The following WIPF2 variants were observed in gnomAD, a reference collection of about 807,000 sequenced individuals.
The protein encoded by WIPF2 is WAS/WASL interacting protein family member 2.
WIPF2 carries 23 observed loss-of-function variants against 38.8 expected under a neutral mutation model. That is an observed-to-expected ratio of 0.59 (90% CI 0.43 to 0.84). WIPF2 has a LOEUF of 0.84. Among genes scored for constraint, WIPF2 ranks in the 40% least tolerant of loss-of-function variants. The probability of loss-of-function intolerance (pLI) is 0.00; values close to 1 mark genes in which losing one functional copy is unlikely to be tolerated. For missense variants in WIPF2, 574 were observed against 580.5 expected, an observed-to-expected ratio of 0.99 and a Z score of 0.11; for synonymous variants, 210 against 223.2, an observed-to-expected ratio of 0.94 and a Z score of 0.53.
chr17:40,259,018 CAAAAAAAA>C (rs903377557), intron 2 of WIPF2, among the ~76,000 whole-genome samples: 4 of 34,912 alleles, frequency 1.1e-4, no homozygotes, highest in Non-Finnish European at 2.2e-4. Context: ...AACTCTGTCT[CAAAAAAAA>C]AAAAAAAAAA....
intron 5 of WIPF2, among the ~76,000 whole-genome samples, chr17:40,273,132 C>G (rs1372954498): frequency 6.6e-6 from 1 of 152,156 alleles, no homozygotes; most frequent in Non-Finnish European, 1.5e-5. Context: ...CTCCCAGGTT[C>G]AAGTGATTCT....
At chr17:40,231,642 C>G (rs2030743217) in intron 1 of WIPF2, among the ~76,000 whole-genome samples, 1 of 152,016 alleles carries the variant, frequency 6.6e-6, no homozygotes, top group Non-Finnish European at 1.5e-5. Context: ...CCAGGCTGGT[C>G]TTGAACTCCT....
chr17:40,237,740 G>T (rs1446100720), intron 1 of WIPF2, among the ~76,000 whole-genome samples: 1 of 149,306 alleles, frequency 6.7e-6, no homozygotes, highest in Non-Finnish European at 1.5e-5. Flanking sequence ...CGGCCTCCCG[G>T]GTTCGAATGA....
At chr17:40,268,546 TGTG>T (rs926417968) in intron 5 of WIPF2, among the ~76,000 whole-genome samples, 3 of 152,204 alleles carry the variant, frequency 2.0e-5, no homozygotes, top group African/African-American at 7.2e-5. Flanking sequence ...ATTCTTTCTC[TGTG>T]GTAGCTAGGA....
At chr17:40,243,201 G>A (rs575753680) in intron 1 of WIPF2, among the ~76,000 whole-genome samples, 23 of 151,954 alleles carry the variant, frequency 1.5e-4, no homozygotes, top group Non-Finnish European at 2.9e-4. Flanking sequence ...TACATTTTTA[G>A]GGCTTTAAAA....
chr17:40,232,015 C>CT (rs547592426), intron 1 of WIPF2, among the ~76,000 whole-genome samples: 13,427 of 110,254 alleles, frequency 0.12, 897 homozygotes, highest in East Asian at 0.32. Context: ...ATTGATTTTA[C>CT]TTTTTTTTTT....
intron 2 of WIPF2, among the ~76,000 whole-genome samples, chr17:40,260,197 T>C (rs954434629): frequency 6.8e-6 from 1 of 147,982 alleles, no homozygotes; most frequent in Non-Finnish European, 1.5e-5. Flanking sequence ...TTTTTTTTTT[T>C]TTTTTTTGCA....
At position 40,219,438 on chromosome 17, in the gene WIPF2, G is replaced by A. The variant is rs1036221418; in HGVS notation, c.-124G>A. On this transcript the variant is annotated 5_prime_UTR_variant, in exon 1 of 8. Transcript: ENST00000323571. The stretch of plus-strand genomic sequence containing the variant: ...GCTTGCCGGGGGGCGAGCAGGACAG[G>A]ACGAAGCCGGAGTGTAGGCGGCAGA... 1 of 323,464 alleles carries A rather than the reference G, an allele frequency of 3.1e-6. No individual in the cohort carries two copies. The highest frequency in any genetic ancestry group is 2.3e-5 in the African/African-American group (1 of 43,582). The allele number at this position is 323,464 out of a possible 1,614,324, so 20.0% of individuals were successfully genotyped here. A position where few individuals can be genotyped will look rare whatever the true frequency, so the allele number is the denominator to read the frequency against.
At position 40,277,182 on chromosome 17, in the gene WIPF2, G is replaced by A. The variant is rs760440651; in HGVS notation, c.1280G>A (p.Arg427Gln). ...AGGATATATCCCAGCAAAACAAACC[G>A]AGGTGAGAATAATAATAAGAAGGTT... ...FQRIYPSKTNRAARGAPPLPP... is the reference protein window; with the variant it reads ...FQRIYPSKTNQAARGAPPLPP... Residue 427 changes from arginine to glutamine, a missense_variant and splice_region_variant, in exon 7 of 8, where the codon CGA (arginine) becomes CAA (glutamine). Coordinates refer to ENST00000323571, the MANE Select transcript of WIPF2 (RefSeq NM_133264.5). The A allele has an allele frequency of 1.1e-5, 17 of 1,600,908 alleles. No homozygotes were observed. The African/African-American group carries it at 1.2e-4, about 11-fold the overall frequency.
rs1159458977 is a variant in WIPF2 at position 40,260,256 on chromosome 17, C to T, written c.64-279C>T. On this transcript the variant is annotated intron_variant, in intron 2 of 7. Transcript: ENST00000323571. ...AGGCTGCAGTGCAGTGGTGTGATCT[C>T]GGCTCACTGCAACCTCCACCTCCTG... Among the ~76,000 whole-genome samples the T allele has an allele frequency of 1.7e-4, 23 of 138,008 alleles. No individual in the cohort carries two copies. In the Admixed American group the frequency reaches 1.8e-3, roughly 11 times the overall value. 90.5% of individuals were successfully genotyped at this position (138,008 alleles called of 152,430 possible).
intron 1 of WIPF2, among the ~76,000 whole-genome samples, chr17:40,240,152 C>G (rs2031136568): frequency 6.6e-6 from 1 of 151,968 alleles, no homozygotes; most frequent in South Asian, 2.1e-4. Flanking sequence ...ACCTCCACCT[C>G]CCAGGTTCAA....
chr17:40,281,921 A>G lies in WIPF2; in HGVS notation c.*3696A>G, dbSNP rs2032553604. 1 of 152,374 alleles carries G rather than the reference A, an allele frequency of 6.6e-6. No individual in the cohort carries two copies. The highest frequency in any genetic ancestry group is 1.5e-5 in the Non-Finnish European group (1 of 68,032). 9.4% of individuals were successfully genotyped at this position (152,374 alleles called of 1,614,324 possible). ...ATCAACTGCAAATCAAATTCTTCAC[A>G]TTCCAGCTACAGTCTTTCTTTCCCC... On this transcript the variant is annotated 3_prime_UTR_variant, in exon 8 of 8. Transcript: ENST00000323571.
chr17:40,228,023 T>G (rs1451147117), intron 1 of WIPF2, among the ~76,000 whole-genome samples: 1 of 125,746 alleles, frequency 8.0e-6, no homozygotes, highest in Non-Finnish European at 1.7e-5. Context: ...TTTTTTTTTT[T>G]TTTTTTTTTT....
At position 40,280,004 on chromosome 17, in the gene WIPF2, G is replaced by A. The variant is rs185889128; in HGVS notation, c.*1779G>A. ...AGTGCTAGGTGAGGGAGGGCTCAAC[G>A]GGGGTAATGTGTATGGGGTCTGCTG... On this transcript the variant is annotated 3_prime_UTR_variant, in exon 8 of 8. Coordinates refer to ENST00000323571, the MANE Select transcript of WIPF2 (RefSeq NM_133264.5). The A allele has an allele frequency of 4.3e-4, 65 of 152,416 alleles. 1 individual carries two copies. Among genetic ancestry groups the A allele is most frequent in the South Asian group, 4.1e-3 (20 of 4,820 alleles). 9.4% of individuals were successfully genotyped at this position (152,416 alleles called of 1,614,324 possible). A position where few individuals can be genotyped will look rare whatever the true frequency, so the allele number is the denominator to read the frequency against.
intron 6 of WIPF2, among the ~76,000 whole-genome samples, chr17:40,274,560 A>G (rs552898343): frequency 0.023 from 2,567 of 110,794 alleles, 21 homozygotes; most frequent in East Asian, 0.067. Context: ...AATTCTTGAA[A>G]AAAAAAAAAA....
At chr17:40,236,816 C>G (rs1226535834) in intron 1 of WIPF2, among the ~76,000 whole-genome samples, 1 of 151,826 alleles carries the variant, frequency 6.6e-6, no homozygotes, top group Admixed American at 6.6e-5. Flanking sequence ...ACCATCTTGG[C>G]CAGGCTGGTC....
rs1027492144 is a variant in WIPF2, at chr17:40,222,587, T to TG, written c.-70+3095_-70+3096insG. ...TAGCCTTGCTCATGTGTGTGTGTGTTTGTGTGTGTGTGTGTGTGTCTGCGT... is the reference window on the plus strand; with the variant it reads ...TAGCCTTGCTCATGTGTGTGTGTGTTGTGTGTGTGTGTGTGTGTGTCTGCGT... On this transcript the variant is annotated intron_variant, in intron 1 of 7. Coordinates refer to ENST00000323571, the MANE Select transcript of WIPF2 (RefSeq NM_133264.5). 8.9e-3 allele frequency among the ~76,000 whole-genome samples: 1,306 copies of TG among 146,406 alleles called. 25 individuals are homozygous for TG. The highest frequency in any genetic ancestry group is 0.026 in the African/African-American group (1,039 of 39,326).
chr17:40,250,219 GTTTTTTTTTTTTT>G (rs1170849046), intron 1 of WIPF2, among the ~76,000 whole-genome samples: 4 of 62,508 alleles, frequency 6.4e-5, no homozygotes, highest in South Asian at 6.1e-4. Context: ...ATTTTATCAT[GTTTTTTTTTTTTT>G]TTTTTTTTTT....
At chr17:40,239,542 C>A (rs1222928697) in intron 1 of WIPF2, among the ~76,000 whole-genome samples, 2 of 152,006 alleles carry the variant, frequency 1.3e-5, no homozygotes, top group Non-Finnish European at 2.9e-5. Context: ...AGTCTGGCTG[C>A]CAATGTTTTT....
Sources: allele counts gnomAD v4.1 joint callset (sites outside exome capture counted in the v4.1 genomes callset), GRCh38; gene constraint gnomAD v4.1.1; transcripts MANE v1.5; gene names NCBI Gene and HGNC (gene_info 2026-07-23, HGNC 2026-07-21).